TMEM164: variants seen among roughly 807,000 people sequenced by gnomAD.
The protein encoded by TMEM164 is transmembrane protein 164.
TMEM164 carries 4 observed loss-of-function variants against 18.8 expected under a neutral mutation model. That is an observed-to-expected ratio of 0.21 (90% CI 0.10 to 0.49). The LOEUF (loss-of-function observed/expected upper bound fraction) is 0.49. Ranked by LOEUF, TMEM164 falls within the 20% of genes least tolerant of loss-of-function variation. The probability of loss-of-function intolerance (pLI) is 0.98; values close to 1 mark genes in which losing one functional copy is unlikely to be tolerated. For missense variants in TMEM164, 108 were observed against 239.9 expected (o/e 0.45, Z 3.63); for synonymous variants, 86 against 101.7 (o/e 0.85, Z 0.93).
intron 3 of TMEM164, among the ~76,000 whole-genome samples, chrX:110,085,921 A>G (rs1263069763): frequency 8.9e-6 from 1 of 112,195 alleles, no homozygotes; most frequent in Non-Finnish European, 1.9e-5. Flanking sequence ...CTCTGCAAGT[A>G]GTAACCACGT....
chrX:110,138,113 T>A (rs1429108818), intron 4 of TMEM164, among the ~76,000 whole-genome samples: 1 of 112,054 alleles, frequency 8.9e-6, no homozygotes, highest in Non-Finnish European at 1.9e-5. Context: ...TAGAAAGATG[T>A]GGCATTAAGT....
chrX:110,131,270 C>G (rs1422957663), intron 4 of TMEM164, among the ~76,000 whole-genome samples: 1 of 111,772 alleles, frequency 8.9e-6, no homozygotes, highest in Non-Finnish European at 1.9e-5. Context: ...TTTTGACTGG[C>G]CTGAAAGCCA....
At chrX:110,011,138 A>G (rs1012573968) in intron 2 of TMEM164, among the ~76,000 whole-genome samples, 4 of 111,986 alleles carry the variant, frequency 3.6e-5, no homozygotes, top group African/African-American at 1.3e-4. Flanking sequence ...AGATTCAAAG[A>G]GAAATAAGAA....
rs570895465 is a variant in TMEM164 at position 110,171,782 on chromosome X, G to A, written c.687+262G>A. Reference sequence around the variant, plus strand: ...CCTTTCACTCATGGCCACTTGGGTCGGAAACAATGAGCTGCAACTGGAAAG... The same window carrying A: ...CCTTTCACTCATGGCCACTTGGGTCAGAAACAATGAGCTGCAACTGGAAAG... On this transcript the variant is annotated intron_variant, in intron 6 of 6. Coordinates refer to ENST00000372068, the MANE Select transcript of TMEM164 (RefSeq NM_032227.4). Among the ~76,000 whole-genome samples, 11 of 111,993 alleles carry A rather than the reference G, an allele frequency of 9.8e-5. No homozygotes were observed. In the South Asian group the frequency reaches 1.5e-3, roughly 15 times the overall value.
At chrX:110,022,330 G>C (rs763646447) in intron 2 of TMEM164, among the ~76,000 whole-genome samples, 6 of 111,096 alleles carry the variant, frequency 5.4e-5, no homozygotes, top group Non-Finnish European at 7.5e-5. Context: ...TTGTTTACTT[G>C]TCAAGAGAGA....
intron 2 of TMEM164, among the ~76,000 whole-genome samples, chrX:110,035,419 A>C (rs1004902400): frequency 9.1e-6 from 1 of 109,436 alleles, no homozygotes; most frequent in African/African-American, 3.3e-5. Context: ...TTCCTGTGTT[A>C]TTTAAAACTT....
intron 2 of TMEM164, among the ~76,000 whole-genome samples, chrX:110,059,308 C>G (rs1244653210): frequency 1.8e-5 from 2 of 111,585 alleles, no homozygotes; most frequent in Non-Finnish European, 3.8e-5. Context: ...TTTCAGTACT[C>G]TCAATTCTAT....
chrX:110,143,808 T>G (rs1038334244), intron 4 of TMEM164, among the ~76,000 whole-genome samples: 4 of 108,375 alleles, frequency 3.7e-5, no homozygotes, highest in Non-Finnish European at 3.8e-5. Flanking sequence ...CTTTGGGGTG[T>G]GTGTGTGTGT....
intron 5 of TMEM164, 109 bp downstream of exon 5, chrX:110,144,985 T>C: frequency 3.6e-6 from 2 of 548,634 alleles, no homozygotes; most frequent in South Asian, 3.8e-5. Context: ...AGCTGCCGCT[T>C]GACTGAGTTT....
At chrX:110,085,639 C>T (rs1468113755) in intron 3 of TMEM164, among the ~76,000 whole-genome samples, 1 of 111,219 alleles carries the variant, frequency 9.0e-6, no homozygotes, top group African/African-American at 3.3e-5. Context: ...TAACCTGTTT[C>T]ACAGTGTCTG....
chrX:110,109,225 T>G, intron 4 of TMEM164, 79 bp downstream of exon 4: 3 of 993,354 alleles, frequency 3.0e-6, no homozygotes, highest in Non-Finnish European at 4.3e-6. Flanking sequence ...TTTAAAAATA[T>G]ACATATAGCT....
intron 5 of TMEM164, among the ~76,000 whole-genome samples, chrX:110,146,532 A>G (rs1328670737): frequency 8.9e-6 from 1 of 111,979 alleles, no homozygotes; most frequent in East Asian, 2.8e-4. Context: ...ATGCTCTGTT[A>G]TTGCTAATAA....
chrX:110,097,117 G>C (rs554629862), intron 3 of TMEM164, among the ~76,000 whole-genome samples: 100 of 111,567 alleles, frequency 9.0e-4, no homozygotes, highest in Middle Eastern at 4.6e-3. Flanking sequence ...GATTACAGAC[G>C]CATGCCACCA....
chrX:110,070,730 C>CA (rs916426496), intron 3 of TMEM164, among the ~76,000 whole-genome samples: 38 of 109,026 alleles, frequency 3.5e-4, no homozygotes, highest in Admixed American at 2.7e-3. Flanking sequence ...AACCCCCCAC[C>CA]AAAAAAAAGA....
At chrX:110,029,721 C>T (rs924932144) in intron 2 of TMEM164, among the ~76,000 whole-genome samples, 4 of 111,548 alleles carry the variant, frequency 3.6e-5, no homozygotes, top group African/African-American at 1.3e-4. Flanking sequence ...TTCAGTCCAG[C>T]TCTTGAGCCT....
intron 5 of TMEM164, among the ~76,000 whole-genome samples, chrX:110,149,755 T>C (rs1023421042): frequency 8.9e-6 from 1 of 111,919 alleles, no homozygotes; most frequent in Non-Finnish European, 1.9e-5. Flanking sequence ...TCTACCTAAA[T>C]GTCTCAAGCA....
chrX:110,112,161 C>T (rs183773623), intron 4 of TMEM164, among the ~76,000 whole-genome samples: 20 of 110,931 alleles, frequency 1.8e-4, no homozygotes, highest in Non-Finnish European at 3.6e-4. Context: ...GATGAAACCC[C>T]GTGTGTACTA....
At chrX:110,042,856 A>G (rs970949952) in intron 2 of TMEM164, among the ~76,000 whole-genome samples, 2 of 112,181 alleles carry the variant, frequency 1.8e-5, no homozygotes, top group African/African-American at 3.2e-5. Context: ...TTCTTTGCCC[A>G]TTTTTTGAAA....
intron 4 of TMEM164, among the ~76,000 whole-genome samples, chrX:110,134,952 C>G (rs1303614886): frequency 9.0e-6 from 1 of 111,464 alleles, no homozygotes; most frequent in African/African-American, 3.3e-5. Context: ...ACCTCCTACT[C>G]CCCAGAGAGA....
Sources: allele counts gnomAD v4.1 joint callset (sites outside exome capture counted in the v4.1 genomes callset), GRCh38; gene constraint gnomAD v4.1.1; transcripts MANE v1.5; gene names NCBI Gene and HGNC (gene_info 2026-07-23, HGNC 2026-07-21).